Variants in TSPEAR observed in about 807,000 individuals in gnomAD.
TSPEAR encodes thrombospondin-type laminin G domain and EAR repeat-containing protein.
TSPEAR carries 69 observed loss-of-function variants against 71.6 expected under a neutral mutation model. That is an observed-to-expected ratio of 0.96 (90% CI 0.79 to 1.18). The LOEUF (loss-of-function observed/expected upper bound fraction) is 1.18. Among genes scored for constraint, TSPEAR ranks in the 50% most tolerant of loss-of-function variants. The pLI is 0.00. For missense variants in TSPEAR, 971 were observed against 894.9 expected (o/e 1.09, Z -1.09); for synonymous variants, 402 against 387.2 (o/e 1.04, Z -0.45).
At chr21:44,681,892 G>C (rs782539058) in intron 1 of TSPEAR, 2 of 1,614,148 alleles carry the variant, frequency 1.2e-6, no homozygotes, top group Non-Finnish European at 1.7e-6. Context: ...GTGCAGGAAG[G>C]CTGGCAGCAC....
Position 44,499,529 on chromosome 21 carries a change from C to G in TSPEAR, c.*254G>C, listed in dbSNP as rs891689242. The G allele has an allele frequency of 2.1e-6, 1 of 477,230 alleles. No homozygotes were observed. Among genetic ancestry groups the G allele is most frequent in the Non-Finnish European group, 3.7e-6 (1 of 271,560 alleles). 29.6% of individuals were successfully genotyped at this position (477,230 alleles called of 1,614,324 possible). ...AATCCCCGCTTGACACTCAGATGGG[C>G]GAGCACTGGCAGGGGCTCTGGGCCT... On this transcript the variant is annotated 3_prime_UTR_variant, in exon 12 of 12. Coordinates refer to ENST00000323084, the MANE Select transcript of TSPEAR (RefSeq NM_144991.3).
intron 1 of TSPEAR, chr21:44,638,423 A>C (rs72613648): frequency 2.3e-4 from 89 of 393,308 alleles, no homozygotes; most frequent in East Asian, 1.9e-3. Flanking sequence ...CACCCCCTCT[A>C]GTTCTAATAA....
intron 10 of TSPEAR, chr21:44,508,466 C>T: frequency 9.8e-7 from 1 of 1,017,014 alleles, no homozygotes; most frequent in Non-Finnish European, 1.2e-6. Context: ...GATTCCAGCT[C>T]CAAGCTTGAC....
At position 44,687,799 on chromosome 21, in the gene TSPEAR, A is replaced by T. The variant is rs1986927856; in HGVS notation, c.82+23634T>A. 6.6e-6 allele frequency among the ~76,000 whole-genome samples: 1 copy of T among 152,198 alleles called. No individual in the cohort carries two copies. The highest frequency in any genetic ancestry group is 1.9e-4 in the East Asian group (1 of 5,196). On this transcript the variant is annotated intron_variant, in intron 1 of 11. Coordinates refer to ENST00000323084, the MANE Select transcript of TSPEAR (RefSeq NM_144991.3). The surrounding 1 kb of genome is among the most constrained non-coding windows in gnomAD (Gnocchi z 4.4). ...ACAGATTGGCAAACTTCGTCAAATG[A>T]TACCCTTGAGATTTGAATCATTTCA... is the stretch of plus-strand genomic sequence containing the variant.
chr21:44,511,553 T>G (rs1358149099), intron 9 of TSPEAR, among the ~76,000 whole-genome samples: 3 of 152,176 alleles, frequency 2.0e-5, no homozygotes, highest in African/African-American at 7.2e-5. Context: ...CACATGCCTG[T>G]ACACAGGCAG....
chr21:44,658,072 G>C, intron 1 of TSPEAR: 1 of 1,613,992 alleles, frequency 6.2e-7, no homozygotes, highest in African/African-American at 1.3e-5. Flanking sequence ...TGAGCTGCCA[G>C]TCCTCCGTGT....
At chr21:44,558,770 T>G (rs952972171) in intron 2 of TSPEAR, 18 of 1,552,374 alleles carry the variant, frequency 1.2e-5, no homozygotes, top group Middle Eastern at 2.1e-4. Context: ...AGTGTGGGAG[T>G]GAGTGAGGGA....
At chr21:44,550,467 G>C (rs1322381036) in intron 2 of TSPEAR, 1 of 734,438 alleles carries the variant, frequency 1.4e-6, no homozygotes, top group Non-Finnish European at 2.2e-6. Flanking sequence ...CCAGCGGAGG[G>C]TTGTGGTCTG....
intron 2 of TSPEAR, among the ~76,000 whole-genome samples, chr21:44,544,286 AATC>A (rs2053266514): frequency 7.2e-6 from 1 of 138,196 alleles, no homozygotes; most frequent in Non-Finnish European, 1.5e-5. Flanking sequence ...TGGCAATAGT[AATC>A]ATAATAAGAC....
chr21:44,660,026 A>T (rs1164915877), intron 1 of TSPEAR, among the ~76,000 whole-genome samples: 3 of 152,212 alleles, frequency 2.0e-5, no homozygotes, highest in Non-Finnish European at 4.4e-5. Context: ...TACTTGATAC[A>T]ACCAGGTGTG....
chr21:44,625,567 T>C (rs1229864821), intron 1 of TSPEAR, among the ~76,000 whole-genome samples: 3 of 152,270 alleles, frequency 2.0e-5, no homozygotes, highest in African/African-American at 7.2e-5. Context: ...AAAACTTTTC[T>C]ATCCTGTCTG....
At chr21:44,556,697 T>C (rs2053536501) in intron 2 of TSPEAR, among the ~76,000 whole-genome samples, 1 of 152,054 alleles carries the variant, frequency 6.6e-6, no homozygotes, top group Non-Finnish European at 1.5e-5. Flanking sequence ...GCCTAAAAAA[T>C]AATAGAAGTT....
chr21:44,554,231 G>T (rs142461336), intron 2 of TSPEAR, among the ~76,000 whole-genome samples: 1 of 152,196 alleles, frequency 6.6e-6, no homozygotes, highest in South Asian at 2.1e-4. Flanking sequence ...TCTGGGCCAC[G>T]TGAGGACAGC....
chr21:44,677,936 G>A lies in TSPEAR; in HGVS notation c.82+33497C>T, dbSNP rs1986397744. ...CAATACCTCCACCAAAAAACAAAAG[G>A]CCAGCTCCAGCAATGTTGCCAGTAG... On this transcript the variant is annotated intron_variant, in intron 1 of 11. Transcript: ENST00000323084. 4 of 1,383,494 alleles carry A rather than the reference G, an allele frequency of 2.9e-6. No homozygotes were observed. The South Asian group carries it at 4.9e-5, about 17-fold the overall frequency. The allele number at this position is 1,383,494 out of a possible 1,614,324, so 85.7% of individuals were successfully genotyped here.
At chr21:44,517,318 C>G (rs587715046) in intron 9 of TSPEAR, 88 of 160,816 alleles carry the variant, frequency 5.5e-4, no homozygotes, top group African/African-American at 2.1e-3. Context: ...CCAGGAACAC[C>G]GCCTAGTCCA....
chr21:44,629,248 G>A (rs1983108684), intron 1 of TSPEAR, among the ~76,000 whole-genome samples: 1 of 152,202 alleles, frequency 6.6e-6, no homozygotes, highest in African/African-American at 2.4e-5. Context: ...CCTGAGAGGA[G>A]CTGCATGTGT....
intron 1 of TSPEAR, among the ~76,000 whole-genome samples, chr21:44,706,662 C>T (rs1188934730): frequency 2.0e-5 from 3 of 152,222 alleles, no homozygotes; most frequent in Admixed American, 6.5e-5. Flanking sequence ...CGAGCAGCTC[C>T]GGGCCTCAGG....
At chr21:44,654,126 G>C in intron 1 of TSPEAR, 1 of 652,552 alleles carries the variant, frequency 1.5e-6, no homozygotes. Flanking sequence ...TCACCGGCTG[G>C]GATCTAGTGA....
At chr21:44,582,346 C>T (rs57211873) in intron 1 of TSPEAR, among the ~76,000 whole-genome samples, 4,484 of 152,286 alleles carry the variant, frequency 0.029, 193 homozygotes, top group African/African-American at 0.094. Context: ...TACATGGCTC[C>T]GTTCTGTCAC....
Sources: allele counts gnomAD v4.1 joint callset (sites outside exome capture counted in the v4.1 genomes callset), GRCh38; gene constraint gnomAD v4.1.1; non-coding constraint Gnocchi (gnomAD v3.1); transcripts MANE v1.5; gene names NCBI Gene and HGNC (gene_info 2026-07-23, HGNC 2026-07-21).